THRB: variants seen among roughly 807,000 people sequenced by gnomAD.
THRB encodes nuclear receptor subfamily 1 group A member 2.
In THRB, 12 loss-of-function variants were observed where a neutral mutation model predicts 47.8. The ratio of observed to expected loss-of-function variants is 0.25; its 90% CI spans 0.16 to 0.41. THRB has a LOEUF of 0.41. Among genes scored for constraint, THRB ranks in the 10% least tolerant of loss-of-function variants. The pLI, the probability that THRB is intolerant of heterozygous loss-of-function variation, is 1.00. For missense variants in THRB, 348 were observed against 589.2 expected, an observed-to-expected ratio of 0.59 and a Z score of 4.24; for synonymous variants, 218 against 212.2, an observed-to-expected ratio of 1.03 and a Z score of -0.24.
intron 3 of THRB, among the ~76,000 whole-genome samples, chr3:24,294,660 G>A (rs1001980200): frequency 1.3e-5 from 2 of 152,144 alleles, no homozygotes; most frequent in South Asian, 2.1e-4. Flanking sequence ...AAGGCAACAC[G>A]GAGACAATAG....
At chr3:24,177,644 C>T (rs1028509760) in intron 5 of THRB, among the ~76,000 whole-genome samples, 6 of 152,194 alleles carry the variant, frequency 3.9e-5, no homozygotes, top group South Asian at 4.2e-4. Context: ...ACAGAGGAAG[C>T]GATGTCTGAA....
intron 1 of THRB, among the ~76,000 whole-genome samples, chr3:24,401,763 C>T (rs1302008362): frequency 1.3e-5 from 2 of 151,986 alleles, no homozygotes; most frequent in Admixed American, 6.6e-5. Flanking sequence ...TTCCCTAACA[C>T]TTGGGAGTTT....
At position 24,242,268 on chromosome 3, in the gene THRB, AG is replaced by A. The variant is rs930613058; in HGVS notation, c.-42-13268del. On this transcript the variant is annotated intron_variant, in intron 3 of 10. Coordinates refer to ENST00000646209, the MANE Select transcript of THRB (RefSeq NM_001354712.2). The stretch of plus-strand genomic sequence containing the variant: ...TAGCCAATGTCTGTTTCCTGCTGGG[AG>A]GGGGAAGGGCATTTCTGCATGATTC... Among the ~76,000 whole-genome samples the A allele has an allele frequency of 3.3e-5, 5 of 152,160 alleles. 1 individual carries two copies. The highest frequency in any genetic ancestry group is 3.3e-4 in the Admixed American group (5 of 15,278).
At chr3:24,490,263 G>T (rs1343787014) in intron 1 of THRB, among the ~76,000 whole-genome samples, 1 of 152,218 alleles carries the variant, frequency 6.6e-6, no homozygotes, top group African/African-American at 2.4e-5. Context: ...AAAACAAGGA[G>T]TTAACTTGCC....
chr3:24,225,591 T>C (rs62253721), intron 4 of THRB, among the ~76,000 whole-genome samples: 18,771 of 152,206 alleles, frequency 0.12, 1,211 homozygotes, highest in Non-Finnish European at 0.13. Flanking sequence ...CCAGCACAGT[T>C]TGAATTCTTG....
At chr3:24,424,594 A>G (rs1231266474) in intron 1 of THRB, among the ~76,000 whole-genome samples, 2 of 151,964 alleles carry the variant, frequency 1.3e-5, no homozygotes, top group African/African-American at 2.4e-5. Flanking sequence ...ACTGTGCTAC[A>G]TGATAAGAAT....
intron 3 of THRB, among the ~76,000 whole-genome samples, chr3:24,231,422 T>C (rs961003237): frequency 6.6e-6 from 1 of 152,122 alleles, no homozygotes; most frequent in African/African-American, 2.4e-5. Context: ...ACTTTAAAAA[T>C]AGTGTTATCA....
chr3:24,410,965 T>C (rs1331774812), intron 1 of THRB, among the ~76,000 whole-genome samples: 2 of 151,832 alleles, frequency 1.3e-5, no homozygotes, highest in African/African-American at 2.4e-5. Flanking sequence ...CAAAGAGATA[T>C]GACCTTTACT....
intron 5 of THRB, among the ~76,000 whole-genome samples, chr3:24,178,871 TGATA>T (rs1055763340): frequency 1.9e-4 from 29 of 152,256 alleles, no homozygotes; most frequent in African/African-American, 6.5e-4. Flanking sequence ...AGGATATAGG[TGATA>T]GATATGTTAA....
intron 1 of THRB, among the ~76,000 whole-genome samples, chr3:24,481,471 C>T (rs1271651211): frequency 6.6e-6 from 1 of 152,062 alleles, no homozygotes; most frequent in Non-Finnish European, 1.5e-5. Context: ...ACCTGCTGGG[C>T]TTGCCTTCTA....
chr3:24,130,302 C>T (rs961486190), intron 9 of THRB, among the ~76,000 whole-genome samples: 9 of 152,190 alleles, frequency 5.9e-5, no homozygotes, highest in African/African-American at 1.7e-4. Flanking sequence ...AAAAGTTCCA[C>T]GTTGACCCCT....
At chr3:24,250,410 T>C (rs191763288) in intron 3 of THRB, among the ~76,000 whole-genome samples, 4 of 152,298 alleles carry the variant, frequency 2.6e-5, no homozygotes, top group Middle Eastern at 3.4e-3. Flanking sequence ...CTGAAATGTA[T>C]GAAGTGCCGG....
At chr3:24,203,175 G>C (rs747075850) in intron 4 of THRB, among the ~76,000 whole-genome samples, 50 of 152,232 alleles carry the variant, frequency 3.3e-4, no homozygotes, top group Non-Finnish European at 6.6e-4. Flanking sequence ...CACTTTGGGA[G>C]GCTGCAGTGG....
intron 3 of THRB, among the ~76,000 whole-genome samples, chr3:24,284,678 C>T (rs2055047863): frequency 6.7e-6 from 1 of 149,276 alleles, no homozygotes; most frequent in African/African-American, 2.6e-5. Flanking sequence ...TTGCAACCTA[C>T]TCATCTGACA....
chr3:24,128,020 A>G (rs771069275), intron 9 of THRB, among the ~76,000 whole-genome samples: 2 of 152,182 alleles, frequency 1.3e-5, no homozygotes, highest in African/African-American at 2.4e-5. Context: ...TCCAACTGCT[A>G]TTACAGTCGT....
intron 2 of THRB, among the ~76,000 whole-genome samples, chr3:24,315,874 C>T (rs1286145316): frequency 6.6e-6 from 1 of 152,176 alleles, no homozygotes; most frequent in Non-Finnish European, 1.5e-5. Flanking sequence ...GTTTTATGAT[C>T]CTCATATGTT....
chr3:24,329,301 T>A (rs1214421587), intron 2 of THRB, among the ~76,000 whole-genome samples: 2 of 152,206 alleles, frequency 1.3e-5, no homozygotes, highest in Admixed American at 6.5e-5. Context: ...ACATTTCATG[T>A]CTTTGCATAT....
intron 1 of THRB, among the ~76,000 whole-genome samples, chr3:24,481,895 C>CAGGT (rs922812333): frequency 6.6e-6 from 1 of 150,570 alleles, no homozygotes; most frequent in Admixed American, 6.6e-5. Context: ...GAATCCTGAG[C>CAGGT]AGGTAAGTGA....
intron 3 of THRB, among the ~76,000 whole-genome samples, chr3:24,277,913 G>A (rs996278384): frequency 3.3e-5 from 5 of 152,144 alleles, no homozygotes; most frequent in Admixed American, 6.5e-5. Flanking sequence ...CAATTAAGGG[G>A]TGACAACATT....
Sources: allele counts gnomAD v4.1 joint callset (sites outside exome capture counted in the v4.1 genomes callset), GRCh38; gene constraint gnomAD v4.1.1; transcripts MANE v1.5; gene names NCBI Gene and HGNC (gene_info 2026-07-23, HGNC 2026-07-21).